FAM227B: variants seen among roughly 807,000 people sequenced by gnomAD.
FAM227B encodes family with sequence similarity 227 member B.
FAM227B carries 88 observed loss-of-function variants against 73.8 expected under a neutral mutation model. The observed-to-expected ratio is 1.19, with a 90% CI of 1.00 to 1.42. The LOEUF is 1.42. Ranked by LOEUF, FAM227B falls within the 40% of genes most tolerant of loss-of-function variation. The pLI, the probability that FAM227B is intolerant of heterozygous loss-of-function variation, is 0.00. For missense variants in FAM227B, 632 were observed against 590.9 expected, an observed-to-expected ratio of 1.07 and a Z score of -0.72; for synonymous variants, 210 against 190.5, an observed-to-expected ratio of 1.10 and a Z score of -0.84.
At chr15:49,393,229 G>C (rs1217057417) in intron 11 of FAM227B, among the ~76,000 whole-genome samples, 2 of 152,180 alleles carry the variant, frequency 1.3e-5, no homozygotes, top group Non-Finnish European at 2.9e-5. Flanking sequence ...ATGTGAAAGA[G>C]AGAAAACTTT....
chr15:49,552,655 TTTCA>T (rs2073172751), intron 9 of FAM227B, among the ~76,000 whole-genome samples: 1 of 152,242 alleles, frequency 6.6e-6, no homozygotes, highest in South Asian at 2.1e-4. Flanking sequence ...TGTAGGCATG[TTTCA>T]TTGTTTTTTG....
intron 10 of FAM227B, among the ~76,000 whole-genome samples, chr15:49,529,656 T>TAG (rs2060467165): frequency 1.3e-5 from 2 of 151,790 alleles, no homozygotes; most frequent in Admixed American, 6.6e-5. Flanking sequence ...TATAGTGCAA[T>TAG]ATCACACTAG....
intron 13 of FAM227B, among the ~76,000 whole-genome samples, chr15:49,350,781 C>G (rs1014114235): frequency 6.6e-6 from 1 of 152,124 alleles, no homozygotes; most frequent in Non-Finnish European, 1.5e-5. Flanking sequence ...ATGACTTTTC[C>G]TTTCCTAACA....
At chr15:49,410,753 GTT>G (rs2048818333) in intron 11 of FAM227B, among the ~76,000 whole-genome samples, 1 of 151,976 alleles carries the variant, frequency 6.6e-6, no homozygotes. Context: ...ATTACCAGAA[GTT>G]GAACCATTAT....
In FAM227B at chr15:49,489,835, TATA is replaced by T. The variant is rs1567381907; in HGVS notation, c.1012+18373_1012+18375del. Among the ~76,000 whole-genome samples, 173 of 34,646 alleles carry T rather than the reference TATA, an allele frequency of 5.0e-3. 16 individuals are homozygous for T. Among genetic ancestry groups the T allele is most frequent in the South Asian group, 0.015 (15 of 1,008 alleles). The allele number at this position is 34,646 out of a possible 152,430, so 22.7% of individuals were successfully genotyped here. A position where few individuals can be genotyped will look rare whatever the true frequency, so the allele number is the denominator to read the frequency against. On this transcript the variant is annotated intron_variant, in intron 11 of 15. Transcript: ENST00000299338. ...TATATATATATTTTATATATATATA[TATA>T]TTTTATATATATATATATATTTTAT...
At chr15:49,594,771 C>G (rs2076794597) in intron 3 of FAM227B, among the ~76,000 whole-genome samples, 1 of 152,120 alleles carries the variant, frequency 6.6e-6, no homozygotes, top group Admixed American at 6.6e-5. Context: ...TCTGTTCTGT[C>G]CATTGGCTTA....
At position 49,577,626 on chromosome 15, in the gene FAM227B, T is replaced by C. The variant is rs776271068; in HGVS notation, c.441+3A>G. On this transcript the variant is annotated splice_donor_region_variant and intron_variant, in intron 6 of 15. Coordinates refer to ENST00000299338, the MANE Select transcript of FAM227B (RefSeq NM_152647.3). The stretch of plus-strand genomic sequence containing the variant: ...AATCTGGCAGAACAGAAATTTTAAG[T>C]ACCTCTATATTCTTCTCTGTCTCCA... 6.5e-7 allele frequency: 1 copy of C among 1,548,044 alleles called. No individual in the cohort carries two copies. The highest frequency in any genetic ancestry group is 8.8e-7 in the Non-Finnish European group (1 of 1,133,680).
intron 11 of FAM227B, among the ~76,000 whole-genome samples, chr15:49,389,985 G>A (rs2047109652): frequency 6.6e-6 from 1 of 152,024 alleles, no homozygotes; most frequent in Admixed American, 6.6e-5. Context: ...GCTTCTCTAT[G>A]GAGAGTGTGG....
intron 13 of FAM227B, among the ~76,000 whole-genome samples, chr15:49,349,817 T>A (rs189957282): frequency 8.0e-4 from 122 of 152,174 alleles, no homozygotes; most frequent in Middle Eastern, 3.4e-3. Flanking sequence ...AAACTCTGCA[T>A]GATGCTGACA....
chr15:49,371,810 TAAATG>T (rs1218185941), intron 11 of FAM227B, among the ~76,000 whole-genome samples: 2 of 143,484 alleles, frequency 1.4e-5, no homozygotes, highest in Non-Finnish European at 3.1e-5. Flanking sequence ...CACTTATAAA[TAAATG>T]AAATAAAATT....
chr15:49,504,848 G>A (rs2058456175), intron 11 of FAM227B, among the ~76,000 whole-genome samples: 1 of 152,046 alleles, frequency 6.6e-6, no homozygotes. Context: ...ATGCAAGAAT[G>A]ACCTAATACG....
At chr15:49,601,821 C>T (rs1228015461) in intron 3 of FAM227B, among the ~76,000 whole-genome samples, 1 of 152,156 alleles carries the variant, frequency 6.6e-6, no homozygotes. Context: ...TCTGGTAACC[C>T]TCCTTCTGCT....
chr15:49,601,094 T>C (rs1412215924), intron 3 of FAM227B, among the ~76,000 whole-genome samples: 1 of 150,356 alleles, frequency 6.7e-6, no homozygotes, highest in Non-Finnish European at 1.5e-5. Flanking sequence ...GTTTTCTGAT[T>C]GTTTTGTATT....
chr15:49,594,745 C>T (rs73404198), intron 3 of FAM227B, among the ~76,000 whole-genome samples: 4,357 of 152,144 alleles, frequency 0.029, 219 homozygotes, highest in African/African-American at 0.1. Context: ...CAATATTTGA[C>T]TTTATTTAAA....
chr15:49,591,571 C>T (rs1322583456), intron 3 of FAM227B, among the ~76,000 whole-genome samples: 10 of 148,270 alleles, frequency 6.7e-5, no homozygotes, highest in South Asian at 2.1e-4. Flanking sequence ...CCACAACCTC[C>T]GCCTCCAAGG....
intron 11 of FAM227B, among the ~76,000 whole-genome samples, chr15:49,390,158 G>A (rs1465965151): frequency 6.6e-6 from 1 of 151,940 alleles, no homozygotes; most frequent in Non-Finnish European, 1.5e-5. Flanking sequence ...TGTCTTTTCC[G>A]AGTGGAAGCT....
rs1167625226 is a variant in FAM227B at position 49,367,552 on chromosome 15, A to G, written c.1167T>C (p.Gly389=). The change falls in exon 13 of 16, where the codon GGT becomes GGC. Residue 389 remains glycine (G), a synonymous_variant. Transcript: ENST00000299338. The stretch of plus-strand genomic sequence containing the variant: ...GATAATATAAAATCAATGGACTCTG[A>G]CCTCCAAAATTGAAGAGAACACGAT... ...EFNRVLFNFG[G]QSPLILYYLK... is the part of the protein sequence containing the mutation. 2 of 1,605,614 alleles carry G rather than the reference A, an allele frequency of 1.2e-6. No homozygotes were observed. The highest frequency in any genetic ancestry group is 2.3e-5 in the South Asian group (2 of 88,712).
intron 11 of FAM227B, among the ~76,000 whole-genome samples, chr15:49,427,955 T>C (rs1446383059): frequency 6.6e-6 from 1 of 152,058 alleles, no homozygotes; most frequent in African/African-American, 2.4e-5. Context: ...TGTCACTTAC[T>C]TTAGTCTTAC....
intron 5 of FAM227B, among the ~76,000 whole-genome samples, chr15:49,578,001 T>C (rs1375945557): frequency 1.3e-5 from 2 of 152,198 alleles, no homozygotes; most frequent in African/African-American, 4.8e-5. Flanking sequence ...TTGTGAGTGC[T>C]TTTGGAATCA....
Sources: gnomAD v4.1 joint callset for allele counts (sites outside exome capture counted in the v4.1 genomes callset) on GRCh38, gnomAD v4.1.1 for gene constraint, MANE v1.5 for transcripts, NCBI Gene and HGNC (gene_info 2026-07-23, HGNC 2026-07-21) for gene names.